The following PRKCH variants were observed in gnomAD, a reference collection of about 807,000 sequenced individuals.
The protein encoded by PRKCH is protein kinase C eta type.
A neutral mutation model predicts 82.5 loss-of-function variants in PRKCH; 28 were observed. The observed-to-expected ratio is 0.34, with a 90% CI of 0.25 to 0.47. The LOEUF is 0.47. Among genes scored for constraint, PRKCH ranks in the 20% least tolerant of loss-of-function variants. PRKCH has a pLI of 1.00. For synonymous variants in PRKCH, 322 were observed against 327.4 expected (o/e 0.98, Z 0.18); for missense variants, 705 against 881.8 (o/e 0.80, Z 2.54).
At chr14:61,502,070 T>TTTTC (rs1566916605) in intron 10 of PRKCH, among the ~76,000 whole-genome samples, 15 of 141,678 alleles carry the variant, frequency 1.1e-4, no homozygotes, top group Admixed American at 4.2e-4. Context: ...CTTTTCTTTT[T>TTTTC]TTTTTTTTTT....
At chr14:61,206,532 A>G (rs765354398) in intron 1 of PRKCH, among the ~76,000 whole-genome samples, 1 of 152,198 alleles carries the variant, frequency 6.6e-6, no homozygotes, top group East Asian at 1.9e-4. Flanking sequence ...CCAGGTAGAT[A>G]TGAATTTTAG....
chr14:61,197,875 T>A (rs956278046), intron 1 of PRKCH, among the ~76,000 whole-genome samples: 1 of 152,176 alleles, frequency 6.6e-6, no homozygotes, highest in Non-Finnish European at 1.5e-5. Context: ...CATGGAGAAT[T>A]GTCTTCCAAC....
intron 1 of PRKCH, among the ~76,000 whole-genome samples, chr14:61,232,760 A>G (rs995629940): frequency 4.6e-5 from 7 of 152,128 alleles, no homozygotes; most frequent in Non-Finnish European, 1.0e-4. Flanking sequence ...TTGGTGATCA[A>G]CTTAACTTTA....
chr14:61,396,072 C>G (rs2046776256), intron 2 of PRKCH, among the ~76,000 whole-genome samples: 1 of 116,668 alleles, frequency 8.6e-6, no homozygotes, highest in African/African-American at 3.1e-5. Flanking sequence ...AGAGTGAAAC[C>G]TTGTTTCAGA....
chr14:61,406,812 T>C (rs1881975861), intron 2 of PRKCH, among the ~76,000 whole-genome samples: 1 of 152,146 alleles, frequency 6.6e-6, no homozygotes, highest in South Asian at 2.1e-4. Flanking sequence ...AGCAGAGTTA[T>C]TTTTGCAAAA....
intron 1 of PRKCH, among the ~76,000 whole-genome samples, chr14:61,339,938 G>A (rs1019456854): frequency 6.6e-6 from 1 of 151,906 alleles, no homozygotes; most frequent in Non-Finnish European, 1.5e-5. Flanking sequence ...TCTTGACTTG[G>A]CCTCCCAAAG....
At chr14:61,194,418 G>A (rs1207154572) in intron 1 of PRKCH, among the ~76,000 whole-genome samples, 1 of 152,130 alleles carries the variant, frequency 6.6e-6, no homozygotes, top group Non-Finnish European at 1.5e-5. Flanking sequence ...TGGGATTAAC[G>A]CTCTTATAAA....
intron 1 of PRKCH, among the ~76,000 whole-genome samples, chr14:61,232,250 G>C (rs1882994728): frequency 6.6e-6 from 1 of 152,182 alleles, no homozygotes; most frequent in African/African-American, 2.4e-5. Context: ...TTTTGAGACC[G>C]AGTCTTGCCC....
chr14:61,255,053 C>T (rs1427658133), intron 1 of PRKCH, among the ~76,000 whole-genome samples: 1 of 152,200 alleles, frequency 6.6e-6, no homozygotes, highest in African/African-American at 2.4e-5. Context: ...TCAAAGGGAC[C>T]CTTCAAGATT....
intron 2 of PRKCH, among the ~76,000 whole-genome samples, chr14:61,393,155 T>G (rs2046712441): frequency 6.6e-6 from 1 of 152,212 alleles, no homozygotes; most frequent in Non-Finnish European, 1.5e-5. Context: ...CACTGTCTCA[T>G]TACTGTTGCT....
At chr14:61,532,979 G>A (rs550497739) in intron 12 of PRKCH, among the ~76,000 whole-genome samples, 11 of 152,152 alleles carry the variant, frequency 7.2e-5, no homozygotes, top group East Asian at 1.9e-4. Context: ...AATAACACTC[G>A]ACGCTCTCTC....
intron 2 of PRKCH, among the ~76,000 whole-genome samples, chr14:61,433,736 A>T (rs915125862): frequency 6.6e-6 from 1 of 152,244 alleles, no homozygotes; most frequent in Non-Finnish European, 1.5e-5. Context: ...AGAAACAGCA[A>T]CTTTTAAAAA....
chr14:61,516,169 G>A (rs772629853), intron 10 of PRKCH, among the ~76,000 whole-genome samples: 8 of 152,120 alleles, frequency 5.3e-5, no homozygotes, highest in Non-Finnish European at 1.0e-4. Context: ...GGGTAGGGGA[G>A]GGAAGCAGAT....
chr14:61,407,936 A>G (rs1020559774), intron 2 of PRKCH, among the ~76,000 whole-genome samples: 2 of 152,178 alleles, frequency 1.3e-5, no homozygotes, highest in Non-Finnish European at 1.5e-5. Flanking sequence ...CAGACAGGGC[A>G]GGGTTCTCCA....
At chr14:61,496,974 A>G (rs188122262) in intron 10 of PRKCH, among the ~76,000 whole-genome samples, 2 of 152,160 alleles carry the variant, frequency 1.3e-5, no homozygotes, top group Admixed American at 1.3e-4. Flanking sequence ...TGATTTTCTC[A>G]TAACTCAAAG....
intron 9 of PRKCH, among the ~76,000 whole-genome samples, chr14:61,485,227 G>A (rs1047187785): frequency 1.3e-5 from 2 of 152,136 alleles, no homozygotes; most frequent in African/African-American, 4.8e-5. Context: ...TGGAACTCGA[G>A]TCAAAGGTTT....
intron 10 of PRKCH, among the ~76,000 whole-genome samples, chr14:61,510,950 C>T (rs1887351525): frequency 6.6e-6 from 1 of 152,092 alleles, no homozygotes; most frequent in Admixed American, 6.5e-5. Context: ...GAGCCAAGAA[C>T]AGAACCTTAG....
At chr14:61,440,314 G>A (rs1159814356) in intron 2 of PRKCH, among the ~76,000 whole-genome samples, 1 of 152,214 alleles carries the variant, frequency 6.6e-6, no homozygotes, top group Non-Finnish European at 1.5e-5. Flanking sequence ...TTATGACACT[G>A]TTCCCACAGG....
At chr14:61,482,937 C>T (rs1381057404) in intron 9 of PRKCH, among the ~76,000 whole-genome samples, 1 of 152,240 alleles carries the variant, frequency 6.6e-6, no homozygotes, top group Non-Finnish European at 1.5e-5. Context: ...AAGTGCGCCA[C>T]TTATAGCAGC....
Sources: gnomAD v4.1 joint callset for allele counts (sites outside exome capture counted in the v4.1 genomes callset) on GRCh38, gnomAD v4.1.1 for gene constraint, MANE v1.5 for transcripts, NCBI Gene and HGNC (gene_info 2026-07-23, HGNC 2026-07-21) for gene names.